PLEC: variants seen among roughly 807,000 people sequenced by gnomAD.
PLEC encodes the protein plectin.
A neutral mutation model predicts 392.8 loss-of-function variants in PLEC; 216 were observed. The ratio of observed to expected loss-of-function variants is 0.55; its 90% CI spans 0.49 to 0.62. The LOEUF (loss-of-function observed/expected upper bound fraction) is 0.62, where lower values mean the gene tolerates loss of function less well. Among genes scored for constraint, PLEC ranks in the 20% least tolerant of loss-of-function variants. PLEC has a pLI of 0.00. For synonymous variants in PLEC, 3,621 were observed against 2,980.6 expected (o/e 1.21, Z -7.00); for missense variants, 6,863 against 6,563.4 (o/e 1.05, Z -1.58).
Position 143,917,586 on chromosome 8 carries a change from T to C in PLEC, c.12235A>G (p.Ile4079Val). The C allele has an allele frequency of 6.2e-7, 1 of 1,613,776 alleles. No homozygotes were observed. Among genetic ancestry groups the C allele is most frequent in the Non-Finnish European group, 8.5e-7 (1 of 1,179,976 alleles). ...RGLFDEEMNE[I>V]LTDPSDDTKG... Reference sequence around the variant, plus strand: ...GTGTCGTCCGAGGGGTCGGTCAGGATCTCGTTCATCTCCTCATCGAAGAGG... The same window carrying C: ...GTGTCGTCCGAGGGGTCGGTCAGGACCTCGTTCATCTCCTCATCGAAGAGG... Residue 4079 changes from isoleucine to valine, a missense_variant, in exon 32 of 32, where the codon ATC becomes GTC. By Grantham distance (29) the Ile-to-Val change is conservative. Coordinates refer to ENST00000345136, the MANE Select transcript of PLEC (RefSeq NM_201384.3).
Position 143,924,841 on chromosome 8 carries a change from C to T in PLEC, c.5088G>A (p.Lys1696=), listed in dbSNP as rs782202820. Residue 1696 remains lysine, a synonymous_variant, in exon 31 of 32, where the codon AAG becomes AAA. Transcript: ENST00000345136. ...QRELAEQELE[K]QRQLAEGTAQ... ...CGGTGCCTTCCGCCAGCTGCCGCTG[C>T]TTCTCCAGCTCTTGTTCAGCCAGCT... is the stretch of plus-strand genomic sequence containing the variant. 8 of 1,581,026 alleles carry T rather than the reference C, an allele frequency of 5.1e-6. No individual in the cohort carries two copies. Among genetic ancestry groups the T allele is most frequent in the Non-Finnish European group, 6.8e-6 (8 of 1,171,542 alleles).
upstream of PLEC, chr8:143,943,721 G>T (rs1830926183): frequency 1.3e-6 from 2 of 1,504,718 alleles, no homozygotes; most frequent in Non-Finnish European, 1.8e-6. Flanking sequence ...GAAGGGGCGG[G>T]AGGCAGGCGG....
At chr8:143,937,693 C>T (rs1829423458) in intron 3 of PLEC, 1 of 488,798 alleles carries the variant, frequency 2.0e-6, no homozygotes. Context: ...GAAAGCCGGG[C>T]TCCACGGTCT....
rs781813443 is a variant in PLEC, at chr8:143,930,452, G to T, written c.2389C>A (p.Arg797Ser). The change falls in exon 20 of 32, where the codon CGC (arginine) becomes AGC (serine). Residue 797 changes from arginine (R) to serine (S), a missense_variant. Physicochemically the swap from Arg to Ser is moderately radical, Grantham distance 110. Coordinates refer to ENST00000345136, the MANE Select transcript of PLEC (RefSeq NM_201384.3). Reference sequence around the variant, plus strand: ...CCCCGCATGGGGTGGGCTGGGTGGCGGGGCTTCAGCTGCACGACGGCCTTG... The same window carrying T: ...CCCCGCATGGGGTGGGCTGGGTGGCTGGGCTTCAGCTGCACGACGGCCTTG... ...RAKAVVQLKP[R>S]HPAHPMRGRL... The T allele has an allele frequency of 6.3e-7, 1 of 1,579,656 alleles. No individual in the cohort carries two copies.
chr8:143,929,234 G>C lies in PLEC; in HGVS notation c.3129C>G (p.Leu1043=). Residue 1043 remains leucine (L), a synonymous_variant, in exon 25 of 32, where the codon CTC becomes CTG. Transcript: ENST00000345136. ...CCAAGACCTTCTCGGCCTCGGCAGA[G>C]AGCCGGGCGACCCCCTTGCCCAGCC... The part of the protein sequence containing the change: ...VEGLGKGVAR[L]SAEAEKVLAL... The C allele has an allele frequency of 1.2e-6, 2 of 1,602,436 alleles. No homozygotes were observed. Among genetic ancestry groups the C allele is most frequent in the South Asian group, 1.1e-5 (1 of 90,566 alleles).
chr8:143,920,290 G>A lies in PLEC; in HGVS notation c.9531C>T (p.Asp3177=), dbSNP rs782764977. Residue 3177 remains aspartate, a synonymous_variant, in exon 32 of 32, where the codon GAC becomes GAT. Transcript: ENST00000345136. ...TGCTGGGGTCACTGTAGGCCTTGGC[G>A]TCGGCCCTTGGTGCCGACAGGGCCC... ...TSRALSAPRA[D]AKAYSDPSTG... 30 of 1,591,002 alleles carry A rather than the reference G, an allele frequency of 1.9e-5. No homozygotes were observed. The highest frequency in any genetic ancestry group is 3.3e-4 in the Middle Eastern group (2 of 6,028).
upstream of PLEC, chr8:143,958,769 C>T: frequency 2.8e-6 from 1 of 363,270 alleles, no homozygotes; most frequent in Non-Finnish European, 5.9e-6. The surrounding 1 kb of genome is among the most constrained non-coding windows in gnomAD (Gnocchi z 4.9). Context: ...GTGGCTCCCC[C>T]TTCCCTCCCT....
At chr8:143,947,260 G>C (rs7462197) in intron 1 of PLEC, among the ~76,000 whole-genome samples, 53,025 of 152,050 alleles carry the variant, frequency 0.35, 9,597 homozygotes, top group Non-Finnish European at 0.39. Flanking sequence ...CGTGTAGAGG[G>C]GAAGTCATGG....
chr8:143,934,671 G>C lies in PLEC; in HGVS notation c.1005C>G (p.Asp335Glu). Residue 335 changes from aspartate (D) to glutamate (E), a missense_variant, in exon 10 of 32, where the codon GAC (aspartate) becomes GAG (glutamate). By Grantham distance (45) the Asp-to-Glu change is conservative. Coordinates refer to ENST00000345136, the MANE Select transcript of PLEC (RefSeq NM_201384.3). ...KEMELPAKEA[D>E]KNRSKGIYQS... ...GGTAGATGCCCTTGGACCTGTTCTTGTCGGCCTCCTTGGCTGGTAGCTCCA... is the reference window on the plus strand; with the variant it reads ...GGTAGATGCCCTTGGACCTGTTCTTCTCGGCCTCCTTGGCTGGTAGCTCCA... 6.2e-7 allele frequency: 1 copy of C among 1,613,192 alleles called. No homozygotes were observed. The highest frequency in any genetic ancestry group is 8.5e-7 in the Non-Finnish European group (1 of 1,179,960).
upstream of PLEC, among the ~76,000 whole-genome samples, chr8:143,940,738 G>T (rs1830305364): frequency 6.6e-6 from 1 of 152,164 alleles, no homozygotes; most frequent in Non-Finnish European, 1.5e-5. Context: ...CATTCCTACT[G>T]CCCCTGAGGC....
At chr8:143,933,627 C>CT (rs1828057796) in intron 12 of PLEC, among the ~76,000 whole-genome samples, 1 of 152,188 alleles carries the variant, frequency 6.6e-6, no homozygotes, top group African/African-American at 2.4e-5. Context: ...ATCACCCACC[C>CT]TGGGTAACTC....
upstream of PLEC, chr8:143,953,824 C>A: frequency 6.2e-7 from 1 of 1,607,918 alleles, no homozygotes; most frequent in Non-Finnish European, 8.5e-7. Flanking sequence ...AGTCCAGCCC[C>A]GCACCGCACT....
chr8:143,942,189 C>T (rs1006018199), upstream of PLEC, among the ~76,000 whole-genome samples: 52 of 148,506 alleles, frequency 3.5e-4, no homozygotes, highest in African/African-American at 1.2e-3. Context: ...CCAGCCCCTT[C>T]TCTAGAGACA....
chr8:143,922,833 G>A lies in PLEC; in HGVS notation c.7096C>T (p.Arg2366Trp), dbSNP rs782676972. 24 of 1,582,504 alleles carry A rather than the reference G, an allele frequency of 1.5e-5. No individual in the cohort carries two copies. The East Asian group carries it at 2.3e-4, about 15-fold the overall frequency. The change falls in exon 31 of 32, where the codon CGG (arginine) becomes TGG (tryptophan). Residue 2366 changes from arginine to tryptophan, a missense_variant. Coordinates refer to ENST00000345136, the MANE Select transcript of PLEC (RefSeq NM_201384.3). ...QLAEETQGFQ[R>W]TLEAERQRQL... is the part of the protein sequence containing the mutation. ...CGCTGCCGCTCGGCCTCCAGCGTCC[G>A]CTGGAAGCCCTGCGTCTCCTCCGCC...
chr8:143,933,465 T>TCC (rs1377925745), intron 12 of PLEC, 114 bp from the exon 13 acceptor site: 37 of 1,219,576 alleles, frequency 3.0e-5, no homozygotes, highest in Non-Finnish European at 4.4e-5. Context: ...GGCCACTGCC[T>TCC]CCATCCCTGT....
upstream of PLEC, among the ~76,000 whole-genome samples, chr8:143,951,832 C>T (rs1439268988): frequency 2.0e-5 from 3 of 152,092 alleles, no homozygotes; most frequent in Non-Finnish European, 2.9e-5. Flanking sequence ...CCTGTGAGGC[C>T]CTGCAGGCCT....
rs782813070 is a variant in PLEC, at chr8:143,919,585, G to A, written c.10236C>T (p.Ala3412=). The A allele has an allele frequency of 4.4e-5, 70 of 1,600,148 alleles. No homozygotes were observed. Among genetic ancestry groups the A allele is most frequent in the Admixed American group, 8.4e-5 (5 of 59,314 alleles). ...VRNQRLYVHE[A]VKAGVVGPEL... ...CGGGGCCCACCACGCCCGCCTTCAC[G>A]GCCTCGTGGACATACAGGCGCTGGT... Residue 3412 remains alanine, a synonymous_variant, in exon 32 of 32, where the codon GCC becomes GCT. Coordinates refer to ENST00000345136, the MANE Select transcript of PLEC (RefSeq NM_201384.3).
chr8:143,933,011 TCACCTGGGC>T lies in PLEC; in HGVS notation c.1510_1518del (p.Ala504_Val506del), dbSNP rs1554718646. ...GGGCGCCTCTGCACACTCTGCAGAG[TCACCTGGGC>T]CACCTGGGTTGCAGGGGCCGCCACG... On this transcript the variant is annotated inframe_deletion, in exon 14 of 32. Coordinates refer to ENST00000345136, the MANE Select transcript of PLEC (RefSeq NM_201384.3). The T allele has an allele frequency of 6.2e-7, 1 of 1,605,272 alleles. No individual in the cohort carries two copies. The highest frequency in any genetic ancestry group is 2.3e-5 in the East Asian group (1 of 44,378).
chr8:143,950,246 A>T (rs781899273), exon 1 of PLEC: 3 of 1,567,682 alleles, frequency 1.9e-6, no homozygotes, highest in Non-Finnish European at 2.6e-6. Context: ...AGCAGGCACC[A>T]CAGGGGTCTC....
Sources: allele counts gnomAD v4.1 joint callset (sites outside exome capture counted in the v4.1 genomes callset), GRCh38; gene constraint gnomAD v4.1.1; non-coding constraint Gnocchi (gnomAD v3.1); transcripts MANE v1.5; gene names NCBI Gene and HGNC (gene_info 2026-07-23, HGNC 2026-07-21).